The following BPTF variants were observed in gnomAD, a reference collection of about 807,000 sequenced individuals.
BPTF encodes the protein bromodomain PHD finger transcription factor.
BPTF carries 18 observed loss-of-function variants against 292.5 expected under a neutral mutation model. The ratio of observed to expected loss-of-function variants is 0.06; its 90% CI spans 0.04 to 0.09. The LOEUF is 0.09. Among genes scored for constraint, BPTF ranks in the 10% least tolerant of loss-of-function variants. The pLI, the probability that BPTF is intolerant of heterozygous loss-of-function variation, is 1.00. For synonymous variants in BPTF, 1,225 were observed against 1,251.9 expected, an observed-to-expected ratio of 0.98 and a Z score of 0.45; for missense variants, 2,726 against 3,498.7, an observed-to-expected ratio of 0.78 and a Z score of 5.57.
At chr17:67,962,188 A>G (rs147271932) in intron 24 of BPTF, among the ~76,000 whole-genome samples, 3 of 152,288 alleles carry the variant, frequency 2.0e-5, no homozygotes, top group East Asian at 1.9e-4. Context: ...ATAACCATAT[A>G]TTATTCCTTC....
At chr17:67,954,055 C>T (rs1555679839) in intron 23 of BPTF, among the ~76,000 whole-genome samples, 1 of 139,484 alleles carries the variant, frequency 7.2e-6, no homozygotes. Context: ...GGTGCAATCA[C>T]AGCACACCAC....
intron 1 of BPTF, among the ~76,000 whole-genome samples, chr17:67,848,818 C>CG (rs1294533522): frequency 6.6e-6 from 1 of 152,106 alleles, no homozygotes; most frequent in Non-Finnish European, 1.5e-5. Context: ...ATAATTACTC[C>CG]GTCGAGGTAA....
chr17:67,895,635 G>T (rs2061391035), intron 7 of BPTF, among the ~76,000 whole-genome samples: 1 of 151,686 alleles, frequency 6.6e-6, no homozygotes, highest in Non-Finnish European at 1.5e-5. Context: ...GCTAATTTTT[G>T]TATTTTTTAT....
intron 4 of BPTF, among the ~76,000 whole-genome samples, chr17:67,887,263 A>C (rs1327674221): frequency 6.6e-6 from 1 of 152,134 alleles, no homozygotes; most frequent in Non-Finnish European, 1.5e-5. Context: ...TTGCTTATTC[A>C]TATCTTTTTC....
chr17:67,931,978 T>C lies in BPTF; in HGVS notation c.6218T>C (p.Leu2073Pro). The change falls in exon 18 of 28, where the codon CTA (leucine) becomes CCA (proline). Residue 2073 changes from leucine (L) to proline (P), a missense_variant. Around this residue, in one of 22 missense-constraint regions of BPTF, gnomAD observed 570 missense variants for 633.5 expected, o/e 0.90. Coordinates refer to ENST00000306378, the MANE Select transcript of BPTF (RefSeq NM_182641.4). ...VIRTPLQQSTLGKAIIRTPVM... is the reference protein window; with the variant it reads ...VIRTPLQQSTPGKAIIRTPVM... ...AGAACACCACTCCAACAGTCAACACTAGGAAAGGCAATTATTCGAACACCT... is the reference window on the plus strand; with the variant it reads ...AGAACACCACTCCAACAGTCAACACCAGGAAAGGCAATTATTCGAACACCT... 6.2e-7 allele frequency: 1 copy of C among 1,614,082 alleles called. No individual in the cohort carries two copies. The highest frequency in any genetic ancestry group is 8.5e-7 in the Non-Finnish European group (1 of 1,179,996).
At chr17:67,880,131 T>G (rs145394122) in intron 4 of BPTF, among the ~76,000 whole-genome samples, 31 of 152,276 alleles carry the variant, frequency 2.0e-4, no homozygotes, top group Admixed American at 5.2e-4. Context: ...ATATATAGGG[T>G]CTATACTCGC....
In BPTF at chr17:67,835,830, T is replaced by A. The variant is rs147572193; in HGVS notation, c.613+9493T>A. 4.3e-3 allele frequency among the ~76,000 whole-genome samples: 657 copies of A among 152,128 alleles called. 5 individuals are homozygous for A. The highest frequency in any genetic ancestry group is 0.015 in the African/African-American group (614 of 41,492). On this transcript the variant is annotated intron_variant, in intron 1 of 27. Transcript: ENST00000306378. ...ACAGGCACCTGCCACCATGCCCGGC[T>A]AATTTTTTGTAATTTTAGTAGAGAT... is the stretch of plus-strand genomic sequence containing the variant.
At chr17:67,902,619 T>C (rs76624702) in intron 7 of BPTF, among the ~76,000 whole-genome samples, 2,612 of 152,222 alleles carry the variant, frequency 0.017, 66 homozygotes, top group African/African-American at 0.055. Flanking sequence ...TTAATAGGCA[T>C]GAGCTGTCAG....
rs200868858 is a variant in BPTF, at chr17:67,910,809, AAT to A, written c.2993-56_2993-55del. The stretch of plus-strand genomic sequence containing the variant: ...AGTGAGACTCCATCTCAAAAAAAAA[AAT>A]ATATATATATAAATTCCTCCTTTCA... On this transcript the variant is annotated intron_variant, in intron 10 of 27. Coordinates refer to ENST00000306378, the MANE Select transcript of BPTF (RefSeq NM_182641.4). 5.8e-3 allele frequency: 6,029 copies of A among 1,036,980 alleles called. 78 individuals carry two copies. The highest frequency in any genetic ancestry group is 0.019 in the African/African-American group (972 of 52,182). 64.2% of individuals were successfully genotyped at this position (1,036,980 alleles called of 1,614,324 possible).
chr17:67,940,281 G>A (rs1038860253), intron 18 of BPTF, among the ~76,000 whole-genome samples, 158 bp from the exon 19 acceptor site: 1 of 152,304 alleles, frequency 6.6e-6, no homozygotes, highest in South Asian at 2.1e-4. Flanking sequence ...CAGGACCTTT[G>A]GATGTGGGTA....
intron 23 of BPTF, among the ~76,000 whole-genome samples, chr17:67,953,559 G>C (rs371824893): frequency 7.2e-6 from 1 of 138,658 alleles, no homozygotes; most frequent in African/African-American, 2.7e-5. Context: ...TGCCCGGCCC[G>C]TCAAATTGTT....
chr17:67,970,798 G>A (rs1273654183), intron 26 of BPTF, among the ~76,000 whole-genome samples: 1 of 152,150 alleles, frequency 6.6e-6, no homozygotes, highest in Non-Finnish European at 1.5e-5. Context: ...TAAATTATAT[G>A]AAATTAAAAT....
chr17:67,932,082 C>G (rs1367985153), intron 18 of BPTF, 63 bp downstream of exon 18: 1 of 1,392,774 alleles, frequency 7.2e-7, no homozygotes, highest in Non-Finnish European at 1.0e-6. Context: ...ATACGTAATT[C>G]TCTGCATTTG....
At chr17:67,887,360 C>T (rs1034510709) in intron 4 of BPTF, among the ~76,000 whole-genome samples, 3 of 152,014 alleles carry the variant, frequency 2.0e-5, no homozygotes, top group Non-Finnish European at 2.9e-5. Flanking sequence ...TTCAATTTTA[C>T]GTATATTTGC....
At chr17:67,976,016 T>C (rs1478785895) in intron 27 of BPTF, 58 bp downstream of exon 27, 11 of 1,371,808 alleles carry the variant, frequency 8.0e-6, no homozygotes, top group South Asian at 2.9e-5. Context: ...CTTTATACTA[T>C]TCTGTCTAAC....
chr17:67,860,965 A>G (rs923880754), intron 2 of BPTF, among the ~76,000 whole-genome samples: 14 of 152,130 alleles, frequency 9.2e-5, no homozygotes, highest in African/African-American at 3.4e-4. Flanking sequence ...CCACATATTA[A>G]CTTACTGACT....
At chr17:67,953,956 CTTTTCTTTTTTTTTTTTTTTTTTTTTTT>C (rs1198438303) in intron 23 of BPTF, among the ~76,000 whole-genome samples, 590 of 53,324 alleles carry the variant, frequency 0.011, 4 homozygotes, top group Non-Finnish European at 0.017. Context: ...TTTTTCTTTT[CTTTTCTTTTTTTTTTTTTTTTTTTTTTT>C]TTTTTTTTTT....
chr17:67,959,179 G>A (rs1598922864), intron 23 of BPTF, among the ~76,000 whole-genome samples: 1 of 152,266 alleles, frequency 6.6e-6, no homozygotes, highest in East Asian at 1.9e-4. Flanking sequence ...CTAGAAGAAA[G>A]CAGCCAGTGA....
rs1415876930 is a variant in BPTF at position 67,910,808 on chromosome 17, A to AT, written c.2993-69_2993-68insT. ...GAGTGAGACTCCATCTCAAAAAAAA[A>AT]AATATATATATATAAATTCCTCCTT... On this transcript the variant is annotated intron_variant, in intron 10 of 27. Coordinates refer to ENST00000306378, the MANE Select transcript of BPTF (RefSeq NM_182641.4). 8.7e-6 allele frequency: 10 copies of AT among 1,150,566 alleles called. 1 individual carries two copies. The Admixed American group carries it at 1.1e-4, about 13-fold the overall frequency. 71.3% of individuals were successfully genotyped at this position (1,150,566 alleles called of 1,614,324 possible).
Sources: allele counts gnomAD v4.1 joint callset (sites outside exome capture counted in the v4.1 genomes callset), GRCh38; gene constraint gnomAD v4.1.1; regional missense constraint gnomAD v4.1.1; transcripts MANE v1.5; gene names NCBI Gene and HGNC (gene_info 2026-07-23, HGNC 2026-07-21).